Variants in NR6A1 observed in about 807,000 individuals in gnomAD.
The protein encoded by NR6A1 is nuclear receptor subfamily 6 group A member 1, also known as retinoic acid receptor-related testis-associated receptor.
A neutral mutation model predicts 59.1 loss-of-function variants in NR6A1; 7 were observed. That is an observed-to-expected ratio of 0.12 (90% CI 0.07 to 0.22). The LOEUF (loss-of-function observed/expected upper bound fraction) is 0.22, where lower values mean the gene tolerates loss of function less well. Among genes scored for constraint, NR6A1 ranks in the 10% least tolerant of loss-of-function variants. NR6A1 has a pLI of 1.00. For missense variants in NR6A1, 468 were observed against 611.6 expected, an observed-to-expected ratio of 0.77 and a Z score of 2.48; for synonymous variants, 243 against 236.1, an observed-to-expected ratio of 1.03 and a Z score of -0.27.
At chr9:124,545,070 C>G (rs1033899285) in intron 3 of NR6A1, among the ~76,000 whole-genome samples, 1 of 152,084 alleles carries the variant, frequency 6.6e-6, no homozygotes, top group Non-Finnish European at 1.5e-5. Flanking sequence ...GGTGGGAGCT[C>G]CAAGTATATA....
In NR6A1 at chr9:124,739,617, T is replaced by C. The variant is rs1840119909; in HGVS notation, c.101-6268A>G. 2.0e-5 allele frequency among the ~76,000 whole-genome samples: 3 copies of C among 152,336 alleles called. No homozygotes were observed. In the South Asian group the frequency reaches 6.2e-4, roughly 32 times the overall value. On this transcript the variant is annotated intron_variant, in intron 1 of 9. Coordinates refer to ENST00000487099, the MANE Select transcript of NR6A1 (RefSeq NM_033334.4). ...CTACAGGTGTGCACCACCACACATT[T>C]GACAAAAAGGCATTTGACAAAAAGA...
intron 2 of NR6A1, among the ~76,000 whole-genome samples, chr9:124,703,655 T>A (rs1273531515): frequency 6.6e-6 from 1 of 152,242 alleles, no homozygotes; most frequent in Non-Finnish European, 1.5e-5. Context: ...TGCTAATGTT[T>A]TGTTAAAAGA....
chr9:124,691,580 A>G lies in NR6A1; in HGVS notation c.142+41728T>C, dbSNP rs569361763. 6.0e-4 allele frequency among the ~76,000 whole-genome samples: 91 copies of G among 152,346 alleles called. 1 individual carries two copies. In the South Asian group the frequency reaches 0.018, roughly 31 times the overall value. ...TTCAACAGAATCAAAAATAACCACT[A>G]TGTCCTATAATGTACTGGTATCGTT... On this transcript the variant is annotated intron_variant, in intron 2 of 9. Coordinates refer to ENST00000487099, the MANE Select transcript of NR6A1 (RefSeq NM_033334.4).
chr9:124,576,779 T>C (rs1294458330), intron 2 of NR6A1, among the ~76,000 whole-genome samples: 2 of 152,168 alleles, frequency 1.3e-5, no homozygotes, highest in Non-Finnish European at 2.9e-5. Flanking sequence ...TAGTCTGGGC[T>C]CAATGGCTCA....
intron 2 of NR6A1, among the ~76,000 whole-genome samples, chr9:124,674,495 T>C (rs1472189018): frequency 6.6e-6 from 1 of 152,054 alleles, no homozygotes; most frequent in Non-Finnish European, 1.5e-5. Context: ...TAAGTATCTA[T>C]CTTACTGGGT....
At chr9:124,706,262 T>C (rs1027780703) in intron 2 of NR6A1, among the ~76,000 whole-genome samples, 2 of 152,198 alleles carry the variant, frequency 1.3e-5, no homozygotes, top group African/African-American at 4.8e-5. Context: ...AATAAAATGG[T>C]ATAATCCTTG....
At chr9:124,594,980 C>T (rs140053377) in intron 2 of NR6A1, among the ~76,000 whole-genome samples, 42 of 152,288 alleles carry the variant, frequency 2.8e-4, no homozygotes, top group African/African-American at 9.9e-4. Context: ...TTAAGAAAAC[C>T]AAACTCTTGC....
intron 2 of NR6A1, among the ~76,000 whole-genome samples, chr9:124,633,377 T>C (rs1588726136): frequency 8.2e-6 from 1 of 121,504 alleles, no homozygotes. Context: ...CACTCCAGCC[T>C]GGGCGACAGA....
At position 124,647,287 on chromosome 9, in the gene NR6A1, C is replaced by T. The variant is rs1170294643; in HGVS notation, c.142+86021G>A. Among the ~76,000 whole-genome samples the T allele has an allele frequency of 3.3e-5, 5 of 152,122 alleles. No homozygotes were observed. The East Asian group carries it at 5.8e-4, about 18-fold the overall frequency. ...ACTAAGAAAAAAAAGAGAGAAGTTTCAAATAAAGACCCAAATCAGAGATGA... is the reference window on the plus strand; with the variant it reads ...ACTAAGAAAAAAAAGAGAGAAGTTTTAAATAAAGACCCAAATCAGAGATGA... On this transcript the variant is annotated intron_variant, in intron 2 of 9. Coordinates refer to ENST00000487099, the MANE Select transcript of NR6A1 (RefSeq NM_033334.4).
intron 5 of NR6A1, 55 bp downstream of exon 5, chr9:124,539,977 TC>T: frequency 6.7e-7 from 1 of 1,500,058 alleles, no homozygotes; most frequent in Non-Finnish European, 8.8e-7. Flanking sequence ...TTTCTGTAGC[TC>T]TCCCTTTGGT....
At chr9:124,701,868 C>T (rs189174816) in intron 2 of NR6A1, among the ~76,000 whole-genome samples, 404 of 152,098 alleles carry the variant, frequency 2.7e-3, no homozygotes, top group Admixed American at 4.6e-3. Flanking sequence ...GGATTACAGG[C>T]GCCTGCCACC....
At position 124,771,203 on chromosome 9, in the gene NR6A1, G is replaced by A. The variant is rs1841151946; in HGVS notation, c.-84C>T. 2 of 789,250 alleles carry A rather than the reference G, an allele frequency of 2.5e-6. No individual in the cohort carries two copies. Among genetic ancestry groups the A allele is most frequent in the Non-Finnish European group, 3.4e-6 (2 of 583,524 alleles). The allele number at this position is 789,250 out of a possible 1,614,324, so 48.9% of individuals were successfully genotyped here. ...CGCCGTGGTCGTCGTCCGCCGAGGG[G>A]AGGAGGTTGTCAGGAGCCCGCGAGC... is the stretch of plus-strand genomic sequence containing the variant. On this transcript the variant is annotated 5_prime_UTR_variant, in exon 1 of 10. Coordinates refer to ENST00000487099, the MANE Select transcript of NR6A1 (RefSeq NM_033334.4).
At chr9:124,630,210 G>GTTTTTTTTTTT (rs71372979) in intron 2 of NR6A1, among the ~76,000 whole-genome samples, 1 of 95,354 alleles carries the variant, frequency 1.0e-5, no homozygotes, top group Non-Finnish European at 2.0e-5. Flanking sequence ...CTCCAAATCA[G>GTTTTTTTTTTT]TTTTTTTTTT....
In NR6A1 at chr9:124,522,715, C is replaced by T. The variant is rs1228849022; in HGVS notation, c.1433G>A (p.Gly478Asp). ...VVLHSCKTSV[G>D]KE ...GGCGCCTGGAACAGGTCATTCCTTG[C>T]CCACACTGGTCTTGCAGGAATGCAG... Residue 478 changes from glycine (G) to aspartate (D), a missense_variant, in exon 10 of 10, where the codon GGC (glycine) becomes GAC (aspartate). Around this residue, in one of 4 missense-constraint regions of NR6A1, gnomAD observed 176 missense variants for 264.0 expected, o/e 0.67. Transcript: ENST00000487099. 1 of 1,579,370 alleles carries T rather than the reference C, an allele frequency of 6.3e-7. No individual in the cohort carries two copies. Among genetic ancestry groups the T allele is most frequent in the Non-Finnish European group, 8.6e-7 (1 of 1,162,900 alleles).
intron 2 of NR6A1, among the ~76,000 whole-genome samples, chr9:124,634,032 T>C (rs1414963397): frequency 3.3e-5 from 5 of 152,268 alleles, no homozygotes; most frequent in Non-Finnish European, 7.3e-5. Flanking sequence ...TATATGTTTT[T>C]GGAATGAATT....
chr9:124,671,251 C>G (rs1392521041), intron 2 of NR6A1, among the ~76,000 whole-genome samples: 1 of 152,142 alleles, frequency 6.6e-6, no homozygotes, highest in African/African-American at 2.4e-5. Flanking sequence ...AAATTTCTTA[C>G]AGTCTTAATC....
intron 2 of NR6A1, among the ~76,000 whole-genome samples, chr9:124,600,780 C>T (rs986843449): frequency 6.6e-6 from 1 of 152,120 alleles, no homozygotes; most frequent in African/African-American, 2.4e-5. Context: ...TTAGAACAGA[C>T]TGAGGTGCCA....
chr9:124,700,775 T>G (rs983292358), intron 2 of NR6A1, among the ~76,000 whole-genome samples: 2 of 148,372 alleles, frequency 1.3e-5, no homozygotes, highest in African/African-American at 5.0e-5. Context: ...TTTTTTTTTT[T>G]TTTGAGACAA....
intron 2 of NR6A1, among the ~76,000 whole-genome samples, chr9:124,615,459 A>G (rs1835861101): frequency 6.6e-6 from 1 of 152,204 alleles, no homozygotes; most frequent in African/African-American, 2.4e-5. Context: ...TATATGGTGA[A>G]TTCTATAGAG....
Sources: allele counts gnomAD v4.1 joint callset (sites outside exome capture counted in the v4.1 genomes callset), GRCh38; gene constraint gnomAD v4.1.1; regional missense constraint gnomAD v4.1.1; transcripts MANE v1.5; gene names NCBI Gene and HGNC (gene_info 2026-07-23, HGNC 2026-07-21).